Variants in LASP1 observed in about 807,000 individuals in gnomAD.
The protein encoded by LASP1 is LIM and SH3 domain protein 1.
In LASP1, 10 loss-of-function variants were observed where a neutral mutation model predicts 38.6. The observed-to-expected ratio is 0.26, with a 90% CI of 0.16 to 0.44. LASP1 has a LOEUF of 0.44. LASP1 is among the 20% of genes least tolerant of loss of function. The pLI is 1.00. For synonymous variants in LASP1, 132 were observed against 140.8 expected, an observed-to-expected ratio of 0.94 and a Z score of 0.44; for missense variants, 243 against 375.7, an observed-to-expected ratio of 0.65 and a Z score of 2.92.
In LASP1 at chr17:38,890,438, C is replaced by G. The variant is rs1420804788; in HGVS notation, c.183C>G (p.Ser61=). 1 of 1,614,052 alleles carries G rather than the reference C, an allele frequency of 6.2e-7. No homozygotes were observed. ...PYCNAHYPKQ[S]FTMVADTPEN... The stretch of plus-strand genomic sequence containing the variant: ...CCTGCAGACACTACCCCAAGCAGTC[C>G]TTCACCATGGTGGCGGACACCCCGG... Residue 61 remains serine, a synonymous_variant, in exon 3 of 7, where the codon TCC becomes TCG. Transcript: ENST00000318008.
intron 2 of LASP1, among the ~76,000 whole-genome samples, chr17:38,881,803 C>G (rs1322074166): frequency 6.6e-6 from 1 of 152,196 alleles, no homozygotes; most frequent in Non-Finnish European, 1.5e-5. Flanking sequence ...CTGTCTCTGG[C>G]TAGTCTCTGA....
At chr17:38,916,887 G>T (rs940347731) in intron 6 of LASP1, 2 of 152,154 alleles carry the variant, frequency 1.3e-5, no homozygotes, top group South Asian at 4.2e-4. Flanking sequence ...AAAAAAAGAC[G>T]TGACATTTGA....
At chr17:38,901,091 A>G (rs1394045904) in intron 4 of LASP1, among the ~76,000 whole-genome samples, 1 of 152,190 alleles carries the variant, frequency 6.6e-6, no homozygotes, top group Non-Finnish European at 1.5e-5. Flanking sequence ...TATCAGTGAC[A>G]CTTGCTCCCA....
Position 38,876,738 on chromosome 17 carries a change from CT to C in LASP1, c.70-1336del, listed in dbSNP as rs1172227288. Reference sequence around the variant, plus strand: ...GGATGGGCCCTGTGTCCCACATTCTCTTTTTTTTTTTTGAGACGGAGTCTTG... The same window carrying C: ...GGATGGGCCCTGTGTCCCACATTCTCTTTTTTTTTTTGAGACGGAGTCTTG... On this transcript the variant is annotated intron_variant, in intron 1 of 6. Coordinates refer to ENST00000318008, the MANE Select transcript of LASP1 (RefSeq NM_006148.4). Among the ~76,000 whole-genome samples the C allele has an allele frequency of 5.7e-3, 808 of 140,746 alleles. 4 individuals carry two copies. The highest frequency in any genetic ancestry group is 0.012 in the Middle Eastern group (3 of 246). The allele number at this position is 140,746 out of a possible 152,430, so 92.3% of individuals were successfully genotyped here.
intron 6 of LASP1, chr17:38,916,518 G>A (rs1162238319): frequency 6.6e-6 from 1 of 151,354 alleles, no homozygotes; most frequent in Non-Finnish European, 1.5e-5. Flanking sequence ...AGTGAGCCAA[G>A]ATTGCACTAT....
At chr17:38,910,233 C>T (rs1378130173) in intron 4 of LASP1, among the ~76,000 whole-genome samples, 1 of 152,166 alleles carries the variant, frequency 6.6e-6, no homozygotes, top group Non-Finnish European at 1.5e-5. Context: ...TAAGTTTTTT[C>T]TGTAAAGGGC....
intron 2 of LASP1, among the ~76,000 whole-genome samples, chr17:38,880,368 G>A (rs889462288): frequency 1.3e-5 from 2 of 152,258 alleles, no homozygotes; most frequent in African/African-American, 4.8e-5. Context: ...CTGCCACAAG[G>A]TTGGGTGGAG....
chr17:38,886,757 C>A (rs1263198652), intron 2 of LASP1, among the ~76,000 whole-genome samples: 2 of 151,946 alleles, frequency 1.3e-5, no homozygotes, highest in Non-Finnish European at 2.9e-5. Context: ...CTTGGAGGCG[C>A]CCATCGGTGC....
At chr17:38,912,207 C>G (rs656027) in intron 4 of LASP1, among the ~76,000 whole-genome samples, 44,822 of 152,266 alleles carry the variant, frequency 0.29, 7,208 homozygotes, top group Middle Eastern at 0.5. Context: ...TGACTTTTCC[C>G]CTGTCCCATA....
In LASP1 at chr17:38,919,635, G is replaced by T; in HGVS notation, c.*857G>T. ...CCATGGTCCCGAAGTGTAGGGCAAG[G>T]GTGCCTCAGGACCTTTTGGTCTTCA... On this transcript the variant is annotated 3_prime_UTR_variant, in exon 7 of 7. Coordinates refer to ENST00000318008, the MANE Select transcript of LASP1 (RefSeq NM_006148.4). 1 of 304,238 alleles carries T rather than the reference G, an allele frequency of 3.3e-6. No homozygotes were observed. The highest frequency in any genetic ancestry group is 6.2e-5 in the South Asian group (1 of 16,214). The allele number at this position is 304,238 out of a possible 1,614,324, so 18.8% of individuals were successfully genotyped here.
At chr17:38,893,443 A>C (rs1598111689) in intron 3 of LASP1, among the ~76,000 whole-genome samples, 2 of 152,028 alleles carry the variant, frequency 1.3e-5, no homozygotes, top group East Asian at 3.9e-4. Context: ...CATGGGCAGG[A>C]GTGTACCGAC....
At chr17:38,886,140 C>T (rs566816797) in intron 2 of LASP1, among the ~76,000 whole-genome samples, 2 of 152,056 alleles carry the variant, frequency 1.3e-5, no homozygotes, top group African/African-American at 4.8e-5. Context: ...CTCTCTCTCT[C>T]TCTCTCTCTG....
Position 38,909,833 on chromosome 17 carries a change from C to T in LASP1, c.358-4492C>T, listed in dbSNP as rs181253198. ...CTCGATCTCAGCTCACTGCAATCTC[C>T]GTCTCCTGGGTTCAAGTGATTCTCA... On this transcript the variant is annotated intron_variant, in intron 4 of 6. Coordinates refer to ENST00000318008, the MANE Select transcript of LASP1 (RefSeq NM_006148.4). Among the ~76,000 whole-genome samples, 871 of 152,164 alleles carry T rather than the reference C, an allele frequency of 5.7e-3. 4 individuals carry two copies. The highest frequency in any genetic ancestry group is 0.02 in the African/African-American group (820 of 41,534).
chr17:38,911,871 G>A (rs780951618), intron 4 of LASP1, among the ~76,000 whole-genome samples: 2 of 151,958 alleles, frequency 1.3e-5, no homozygotes, highest in Admixed American at 6.6e-5. Flanking sequence ...TTGGCTCACC[G>A]CAACCTCTGC....
rs116131866 is a variant in LASP1, at chr17:38,919,417, T to G, written c.*639T>G. 99 of 240,450 alleles carry G rather than the reference T, an allele frequency of 4.1e-4. No individual in the cohort carries two copies. The highest frequency in any genetic ancestry group is 2.0e-3 in the African/African-American group (92 of 45,538). 14.9% of individuals were successfully genotyped at this position (240,450 alleles called of 1,614,324 possible). On this transcript the variant is annotated 3_prime_UTR_variant, in exon 7 of 7. Coordinates refer to ENST00000318008, the MANE Select transcript of LASP1 (RefSeq NM_006148.4). Reference sequence around the variant, plus strand: ...CGCGTTCCTTCGCACACTGTGATTTTGCCCTCCTGCCCACGCAGACCTGCA... The same window carrying G: ...CGCGTTCCTTCGCACACTGTGATTTGGCCCTCCTGCCCACGCAGACCTGCA...
rs546773511 is a variant in LASP1 at position 38,910,037 on chromosome 17, C to G, written c.358-4288C>G. On this transcript the variant is annotated intron_variant, in intron 4 of 6. Coordinates refer to ENST00000318008, the MANE Select transcript of LASP1 (RefSeq NM_006148.4). ...TGCTGGGATTAAAGGTGTGAGCCAC[C>G]GCACCTGGCCATCTCATACTTTCAC... Among the ~76,000 whole-genome samples the G allele has an allele frequency of 3.9e-5, 6 of 152,290 alleles. No homozygotes were observed. The East Asian group carries it at 1.2e-3, about 29-fold the overall frequency.
chr17:38,919,373 C>G lies in LASP1; in HGVS notation c.*595C>G, dbSNP rs1202579028. On this transcript the variant is annotated 3_prime_UTR_variant, in exon 7 of 7. Transcript: ENST00000318008. The stretch of plus-strand genomic sequence containing the variant: ...GGAGAATGGGGTTCCTGCTGTGGGG[C>G]GAATTCATCCCCTCCCCGCGCGTTC... 2 of 240,036 alleles carry G rather than the reference C, an allele frequency of 8.3e-6. No homozygotes were observed. The highest frequency in any genetic ancestry group is 1.6e-5 in the Non-Finnish European group (2 of 121,732). The allele number at this position is 240,036 out of a possible 1,614,324, so 14.9% of individuals were successfully genotyped here.
rs1251863408 is a variant in LASP1, at chr17:38,918,555, C to T, written c.613-50C>T. On this transcript the variant is annotated intron_variant, in intron 6 of 6. Coordinates refer to ENST00000318008, the MANE Select transcript of LASP1 (RefSeq NM_006148.4). This position sits in a 1 kb window ranked among gnomAD's most constrained non-coding sequence, Gnocchi z 4.4. ...GAGAGTTAGAAAAAAATGCTCAGAC[C>T]CAGGTGAGCCGGCATGCAGGGCCCT... The T allele has an allele frequency of 2.0e-6, 3 of 1,524,182 alleles. No individual in the cohort carries two copies. Among genetic ancestry groups the T allele is most frequent in the Middle Eastern group, 1.8e-4 (1 of 5,660 alleles). The allele number at this position is 1,524,182 out of a possible 1,614,324, so 94.4% of individuals were successfully genotyped here.
intron 4 of LASP1, among the ~76,000 whole-genome samples, chr17:38,909,985 C>T (rs1349735101): frequency 2.0e-5 from 3 of 152,156 alleles, no homozygotes. Context: ...TGACTTCAAG[C>T]AATCTGCCAA....
Sources: gnomAD v4.1 joint callset for allele counts (sites outside exome capture counted in the v4.1 genomes callset) on GRCh38, gnomAD v4.1.1 for gene constraint, Gnocchi (gnomAD v3.1) non-coding constraint, MANE v1.5 for transcripts, NCBI Gene and HGNC (gene_info 2026-07-23, HGNC 2026-07-21) for gene names.